The following HERC3 variants were observed in gnomAD, a reference collection of about 807,000 sequenced individuals.
The protein encoded by HERC3 is HECT and RLD domain containing E3 ubiquitin protein ligase 3.
HERC3 carries 58 observed loss-of-function variants against 129.9 expected under a neutral mutation model. The ratio of observed to expected loss-of-function variants is 0.45; its 90% CI spans 0.36 to 0.56. The LOEUF is 0.56. HERC3 is among the 20% of genes least tolerant of loss of function. The probability of loss-of-function intolerance (pLI) is 0.00; values close to 1 mark genes in which losing one functional copy is unlikely to be tolerated. For missense variants in HERC3, 835 were observed against 1,244.2 expected (o/e 0.67, Z 4.95); for synonymous variants, 430 against 451.0 (o/e 0.95, Z 0.59).
chr4:88,677,521 A>G lies in HERC3; in HGVS notation c.2026-443A>G, dbSNP rs1349465912. ...TCTATCTATATATATGTTTGTTTTCATGTTGCTATATCTGTGATATTGACA... is the reference window on the plus strand; with the variant it reads ...TCTATCTATATATATGTTTGTTTTCGTGTTGCTATATCTGTGATATTGACA... On this transcript the variant is annotated intron_variant, in intron 18 of 25. Transcript: ENST00000402738. Among the ~76,000 whole-genome samples the G allele has an allele frequency of 3.9e-5, 6 of 152,020 alleles. No homozygotes were observed. In the South Asian group the frequency reaches 1.0e-3, roughly 26 times the overall value.
intron 3 of HERC3, among the ~76,000 whole-genome samples, chr4:88,621,269 G>C (rs1725492081): frequency 6.6e-6 from 1 of 152,076 alleles, no homozygotes; most frequent in South Asian, 2.1e-4. Context: ...ACCATACCTG[G>C]CTAACTTTTG....
At chr4:88,629,689 A>G (rs1376830580) in intron 3 of HERC3, among the ~76,000 whole-genome samples, 3 of 152,194 alleles carry the variant, frequency 2.0e-5, no homozygotes, top group African/African-American at 4.8e-5. Context: ...GGAGAAATAG[A>G]TTGGATTTGT....
At chr4:88,545,430 C>CTTTTTT in the HERC3 span, among the ~76,000 whole-genome samples, 14 of 110,434 alleles carry the variant, frequency 1.3e-4, no homozygotes, top group African/African-American at 4.4e-4. Flanking sequence ...TTTGAGAATT[C>CTTTTTT]TTTTTTTTTT....
intron 21 of HERC3, among the ~76,000 whole-genome samples, chr4:88,682,376 G>T (rs1732878642): frequency 6.6e-6 from 1 of 151,854 alleles, no homozygotes; most frequent in African/African-American, 2.4e-5. Context: ...CAACGTGCAG[G>T]TTAGTTACAT....
chr4:88,599,173 A>G (rs1190403306), intron 2 of HERC3, among the ~76,000 whole-genome samples: 3 of 152,244 alleles, frequency 2.0e-5, no homozygotes, highest in Non-Finnish European at 4.4e-5. Context: ...TAGGGGTCCA[A>G]CTGGAGTGTA....
the HERC3 span, among the ~76,000 whole-genome samples, chr4:88,581,355 C>A: frequency 6.6e-6 from 1 of 151,532 alleles, no homozygotes; most frequent in African/African-American, 2.4e-5. Context: ...GGCTGGAGTG[C>A]AATGGCATGA....
the HERC3 span, among the ~76,000 whole-genome samples, chr4:88,576,242 T>C: frequency 6.6e-6 from 1 of 151,866 alleles, no homozygotes; most frequent in Non-Finnish European, 1.5e-5. Flanking sequence ...GGTTGGCCTT[T>C]ATAATTCTAC....
chr4:88,559,265 CTTTT>C, the HERC3 span, among the ~76,000 whole-genome samples: 40 of 151,928 alleles, frequency 2.6e-4, no homozygotes, highest in Non-Finnish European at 5.9e-4. Context: ...CACATAGTTA[CTTTT>C]TTTTGTTTCT....
the HERC3 span, among the ~76,000 whole-genome samples, chr4:88,551,797 G>T: frequency 6.6e-6 from 1 of 152,092 alleles, no homozygotes; most frequent in African/African-American, 2.4e-5. Context: ...TATACCCAAA[G>T]GACTATAAAT....
chr4:88,639,224 A>C (rs781700818), intron 3 of HERC3, among the ~76,000 whole-genome samples: 3 of 152,206 alleles, frequency 2.0e-5, no homozygotes, highest in Non-Finnish European at 4.4e-5. Flanking sequence ...AATTCTTCAC[A>C]GATTTAGAAA....
chr4:88,529,091 T>C, the HERC3 span, among the ~76,000 whole-genome samples: 1 of 152,102 alleles, frequency 6.6e-6, no homozygotes, highest in Admixed American at 6.6e-5. Context: ...AAAATTATAA[T>C]AAGTGAAAAA....
chr4:88,560,474 T>A, the HERC3 span, among the ~76,000 whole-genome samples: 1 of 150,110 alleles, frequency 6.7e-6, no homozygotes, highest in Admixed American at 6.6e-5. Flanking sequence ...TCTTTATAAA[T>A]GTTGAATATT....
At chr4:88,664,010 A>C in intron 11 of HERC3, 143 bp from the exon 12 acceptor site, 1 of 570,390 alleles carries the variant, frequency 1.8e-6, no homozygotes, top group Non-Finnish European at 2.9e-6. Flanking sequence ...TCTAAAGCAA[A>C]TGTACATTTT....
the HERC3 span, among the ~76,000 whole-genome samples, chr4:88,535,252 C>T: frequency 1.3e-5 from 2 of 152,208 alleles, no homozygotes; most frequent in African/African-American, 4.8e-5. Flanking sequence ...ACCTGGCCTG[C>T]CAGCACCTAG....
At chr4:88,587,022 T>C in the HERC3 span, among the ~76,000 whole-genome samples, 4 of 152,206 alleles carry the variant, frequency 2.6e-5, no homozygotes, top group African/African-American at 9.6e-5. Flanking sequence ...ACAGTATCTA[T>C]AGTATCTGTG....
At chr4:88,693,769 T>A (rs1053709300) in intron 23 of HERC3, 34 of 690,002 alleles carry the variant, frequency 4.9e-5, no homozygotes, top group Non-Finnish European at 5.9e-5. Flanking sequence ...GCCAGTTTTC[T>A]GCGTAATACT....
the HERC3 span, among the ~76,000 whole-genome samples, chr4:88,540,106 A>G: frequency 6.6e-6 from 1 of 152,238 alleles, no homozygotes; most frequent in Admixed American, 6.5e-5. Context: ...AGTTGACAGA[A>G]GTAGGCTTCA....
intron 12 of HERC3, among the ~76,000 whole-genome samples, chr4:88,666,849 A>C (rs2924938): frequency 0.038 from 5,754 of 152,312 alleles, 312 homozygotes; most frequent in East Asian, 0.27. Context: ...GAGAGACATT[A>C]ACTTTGCATT....
At chr4:88,672,559 A>AT (rs1300471312) in intron 16 of HERC3, among the ~76,000 whole-genome samples, 1 of 152,128 alleles carries the variant, frequency 6.6e-6, no homozygotes. Context: ...TAATAGATGG[A>AT]TTTTTTTGAT....
Sources: allele counts gnomAD v4.1 joint callset (sites outside exome capture counted in the v4.1 genomes callset), GRCh38; gene constraint gnomAD v4.1.1; transcripts MANE v1.5; gene names NCBI Gene and HGNC (gene_info 2026-07-23, HGNC 2026-07-21).